Variants in MAPK10 observed in about 807,000 individuals in gnomAD.
MAPK10 encodes mitogen-activated protein kinase 10, also known as JNK3 alpha protein kinase.
In MAPK10, 25 loss-of-function variants were observed where a neutral mutation model predicts 59.3. The observed-to-expected ratio is 0.42, with a 90% CI of 0.31 to 0.59. The LOEUF is 0.59. MAPK10 is among the 20% of genes least tolerant of loss of function. The probability of loss-of-function intolerance (pLI) is 0.15; values close to 1 mark genes in which losing one functional copy is unlikely to be tolerated. For missense variants in MAPK10, 351 were observed against 568.9 expected, an observed-to-expected ratio of 0.62 and a Z score of 3.90; for synonymous variants, 190 against 200.5, an observed-to-expected ratio of 0.95 and a Z score of 0.44.
chr4:86,380,859 TA>T (rs35581530), intron 1 of MAPK10, among the ~76,000 whole-genome samples: 2,440 of 137,120 alleles, frequency 0.018, 48 homozygotes, highest in African/African-American at 0.062. Flanking sequence ...TGGAAAGCAT[TA>T]AAAAAAAAAA....
At chr4:86,185,052 C>G (rs1370592535) in intron 3 of MAPK10, among the ~76,000 whole-genome samples, 1 of 152,074 alleles carries the variant, frequency 6.6e-6, no homozygotes, top group Non-Finnish European at 1.5e-5. Flanking sequence ...ATTTCTGTAA[C>G]ATAAATACTC....
At chr4:86,530,962 C>T (rs905798183) in intron 1 of MAPK10, among the ~76,000 whole-genome samples, 1 of 152,188 alleles carries the variant, frequency 6.6e-6, no homozygotes, top group Admixed American at 6.5e-5. Context: ...CTTCTCAGGG[C>T]TGCCTAGCAA....
chr4:86,543,353 G>T (rs993908866), intron 1 of MAPK10, among the ~76,000 whole-genome samples: 1 of 152,094 alleles, frequency 6.6e-6, no homozygotes, highest in Admixed American at 6.5e-5. Flanking sequence ...CTTCCTCTGG[G>T]AATCTTCTTC....
At chr4:86,058,324 T>C (rs2148974573) in intron 11 of MAPK10, among the ~76,000 whole-genome samples, 1 of 149,552 alleles carries the variant, frequency 6.7e-6, no homozygotes, top group East Asian at 1.9e-4. Context: ...CCTGGACACA[T>C]TTGCCCACAG....
intron 2 of MAPK10, among the ~76,000 whole-genome samples, chr4:86,303,926 A>G (rs980924331): frequency 6.6e-6 from 1 of 152,212 alleles, no homozygotes; most frequent in Non-Finnish European, 1.5e-5. Context: ...TCTAGTTGAC[A>G]GAAAGTCGAT....
At chr4:86,576,062 G>A (rs1761865150) in intron 1 of MAPK10, among the ~76,000 whole-genome samples, 1 of 151,264 alleles carries the variant, frequency 6.6e-6, no homozygotes. Context: ...GATGCTCATA[G>A]CTCACTGCTA....
At chr4:86,256,291 T>C (rs1435308160) in intron 2 of MAPK10, among the ~76,000 whole-genome samples, 2 of 152,200 alleles carry the variant, frequency 1.3e-5, no homozygotes, top group Non-Finnish European at 1.5e-5. Context: ...CAGAGAATAG[T>C]GGAAATATAT....
chr4:86,574,284 T>A (rs1369414298), intron 1 of MAPK10, among the ~76,000 whole-genome samples: 1 of 152,014 alleles, frequency 6.6e-6, no homozygotes, highest in Non-Finnish European at 1.5e-5. Context: ...ATGTGCCACA[T>A]TTTCTTAATC....
At chr4:86,023,409 T>C (rs1748408094) in intron 13 of MAPK10, among the ~76,000 whole-genome samples, 1 of 152,222 alleles carries the variant, frequency 6.6e-6, no homozygotes, top group South Asian at 2.1e-4. Flanking sequence ...ATTTTGGATA[T>C]TCTGTATCCT....
intron 1 of MAPK10, among the ~76,000 whole-genome samples, chr4:86,586,822 A>G (rs577627210): frequency 6.6e-6 from 1 of 152,324 alleles, no homozygotes; most frequent in African/African-American, 2.4e-5. Flanking sequence ...TAAGCTAAAT[A>G]TACAAAAGAA....
chr4:86,364,924 G>A (rs182216833), upstream of MAPK10, among the ~76,000 whole-genome samples: 11 of 152,234 alleles, frequency 7.2e-5, 1 homozygote, highest in East Asian at 1.7e-3. Context: ...AGGTTGCCAT[G>A]AGCCAAGATC....
At chr4:86,411,671 T>C (rs1311608873) in intron 1 of MAPK10, among the ~76,000 whole-genome samples, 1 of 152,238 alleles carries the variant, frequency 6.6e-6, no homozygotes, top group African/African-American at 2.4e-5. Context: ...CTTTGTCTCT[T>C]TTGATCTTTG....
Position 86,187,307 on chromosome 4 carries a change from C to T in MAPK10, c.66+7029G>A, listed in dbSNP as rs116459287. ...AAGTAAAATAAAAGTTACTTGAACA[C>T]GAGCACTGTGATACCACAACAGTCA... On this transcript the variant is annotated intron_variant, in intron 3 of 13. Transcript: ENST00000641462. 8.1e-3 allele frequency among the ~76,000 whole-genome samples: 1,236 copies of T among 152,170 alleles called. 15 individuals carry two copies. The highest frequency in any genetic ancestry group is 0.028 in the African/African-American group (1,169 of 41,528).
intron 1 of MAPK10, among the ~76,000 whole-genome samples, chr4:86,383,297 C>T (rs991340712): frequency 2.0e-5 from 3 of 152,088 alleles, no homozygotes; most frequent in African/African-American, 7.2e-5. Flanking sequence ...TTTAGCCCTT[C>T]AATGGTGCCT....
intron 2 of MAPK10, among the ~76,000 whole-genome samples, chr4:86,245,844 T>C (rs2093049781): frequency 6.6e-6 from 1 of 152,188 alleles, no homozygotes; most frequent in African/African-American, 2.4e-5. Flanking sequence ...ATATGCAAAA[T>C]GAAAGGGTAA....
chr4:86,297,627 T>A (rs1030195175), intron 2 of MAPK10, among the ~76,000 whole-genome samples: 1 of 152,146 alleles, frequency 6.6e-6, no homozygotes, highest in African/African-American at 2.4e-5. Context: ...GAGTTTTATG[T>A]CTGTACCCAC....
intron 1 of MAPK10, among the ~76,000 whole-genome samples, chr4:86,465,920 C>T (rs1317928817): frequency 6.6e-6 from 1 of 152,092 alleles, no homozygotes; most frequent in Non-Finnish European, 1.5e-5. Context: ...CTGAGGAAAG[C>T]GGGACAACCA....
At chr4:86,168,244 C>A (rs527945151) in intron 3 of MAPK10, among the ~76,000 whole-genome samples, 1 of 152,308 alleles carries the variant, frequency 6.6e-6, no homozygotes, top group East Asian at 1.9e-4. Context: ...GTGCACCAGC[C>A]GAAGCAGGGT....
intron 1 of MAPK10, among the ~76,000 whole-genome samples, chr4:86,462,290 G>C (rs1751817201): frequency 1.3e-5 from 2 of 152,160 alleles, no homozygotes; most frequent in South Asian, 4.1e-4. Context: ...ACATTACAAT[G>C]GGGATATTCA....
Sources: allele counts gnomAD v4.1 joint callset (sites outside exome capture counted in the v4.1 genomes callset), GRCh38; gene constraint gnomAD v4.1.1; transcripts MANE v1.5; gene names NCBI Gene and HGNC (gene_info 2026-07-23, HGNC 2026-07-21).